PRXL2C: variants seen among roughly 807,000 people sequenced by gnomAD.
PRXL2C encodes the protein peroxiredoxin like 2C.
In PRXL2C, 38 loss-of-function variants were observed where a neutral mutation model predicts 24.9. The observed-to-expected ratio is 1.53, with a 90% CI of 1.18 to 2.00. PRXL2C has a LOEUF of 2.00. Ranked by LOEUF, PRXL2C falls within the 30% of genes most tolerant of loss-of-function variation. PRXL2C has a pLI of 0.00. For synonymous variants in PRXL2C, 98 were observed against 117.2 expected (o/e 0.84, Z 1.06); for missense variants, 294 against 290.9 (o/e 1.01, Z -0.08).
intron 2 of PRXL2C, among the ~76,000 whole-genome samples, chr9:96,652,586 C>T (rs1848283615): frequency 6.6e-6 from 1 of 150,676 alleles, no homozygotes; most frequent in Admixed American, 6.6e-5. Context: ...CACTACTCAT[C>T]AGTGAAATAC....
chr9:96,655,306 G>C lies in PRXL2C; in HGVS notation c.-25C>G, dbSNP rs988325377. On this transcript the variant is annotated 5_prime_UTR_variant, in exon 1 of 6. Coordinates refer to ENST00000375234, the MANE Select transcript of PRXL2C (RefSeq NM_153698.2). ...TGACGCGGGGCGGCCGAGGGCCTGGGTCCGCTCTGTCAGCGCGGACCGGGG... is the reference window on the plus strand; with the variant it reads ...TGACGCGGGGCGGCCGAGGGCCTGGCTCCGCTCTGTCAGCGCGGACCGGGG... 4.5e-5 allele frequency: 47 copies of C among 1,039,950 alleles called. No homozygotes were observed. The highest frequency in any genetic ancestry group is 4.8e-5 in the Non-Finnish European group (42 of 866,100). The allele number at this position is 1,039,950 out of a possible 1,614,324, so 64.4% of individuals were successfully genotyped here. A position where few individuals can be genotyped will look rare whatever the true frequency, so the allele number is the denominator to read the frequency against.
intron 2 of PRXL2C, among the ~76,000 whole-genome samples, chr9:96,651,971 A>G (rs919202209): frequency 6.6e-6 from 1 of 152,226 alleles, no homozygotes; most frequent in Non-Finnish European, 1.5e-5. Context: ...GAAAACTACA[A>G]AACTGCTACA....
At chr9:96,654,682 G>A (rs779277749) in intron 2 of PRXL2C, 23 bp downstream of exon 2, 9 of 1,552,810 alleles carry the variant, frequency 5.8e-6, no homozygotes, top group African/African-American at 2.7e-5. Context: ...CGGGCACTGG[G>A]CCGCCCACGC....
rs182505870 is a variant in PRXL2C at position 96,653,846 on chromosome 9, T to G, written c.261+859A>C. ...TTAAAAACTCTGTAGCACAGTTTTT[T>G]TTTTTTCTTTTTTAGACGGAGTCTT... On this transcript the variant is annotated intron_variant, in intron 2 of 5. Transcript: ENST00000375234. 5.3e-3 allele frequency among the ~76,000 whole-genome samples: 805 copies of G among 152,218 alleles called. 5 individuals carry two copies. The highest frequency in any genetic ancestry group is 0.01 in the Middle Eastern group (3 of 294).
intron 5 of PRXL2C, among the ~76,000 whole-genome samples, chr9:96,645,345 T>C (rs1848182762): frequency 6.6e-6 from 1 of 151,848 alleles, no homozygotes; most frequent in African/African-American, 2.4e-5. Flanking sequence ...CTGTGGGAAA[T>C]CATCTAGGCA....
chr9:96,651,816 G>T, intron 2 of PRXL2C, 104 bp from the exon 3 acceptor site: 1 of 913,116 alleles, frequency 1.1e-6, no homozygotes, highest in Non-Finnish European at 1.7e-6. Flanking sequence ...GCCACCTATA[G>T]GCTTCTAGAG....
chr9:96,641,134 ATAATGTT>A lies in PRXL2C; in HGVS notation c.*618_*624del, dbSNP rs1226989181. Reference sequence around the variant, plus strand: ...TTGTTATGTGGCATAAAATTGTCCTATAATGTTTAAAGACCTTTTCCTGGCCCTACAA... The same window carrying A: ...TTGTTATGTGGCATAAAATTGTCCTATAAAGACCTTTTCCTGGCCCTACAA... On this transcript the variant is annotated 3_prime_UTR_variant, in exon 6 of 6. Transcript: ENST00000375234. The A allele has an allele frequency of 6.6e-6, 1 of 152,202 alleles. No individual in the cohort carries two copies. The highest frequency in any genetic ancestry group is 1.9e-4 in the East Asian group (1 of 5,194). 9.4% of individuals were successfully genotyped at this position (152,202 alleles called of 1,614,324 possible).
At chr9:96,652,495 T>C (rs938925193) in intron 2 of PRXL2C, among the ~76,000 whole-genome samples, 2 of 134,562 alleles carry the variant, frequency 1.5e-5, no homozygotes, top group Non-Finnish European at 3.1e-5. Context: ...CTCTCCAGCC[T>C]GGGGGGCAGA....
chr9:96,651,590 T>C (rs1489523134), intron 3 of PRXL2C, 69 bp downstream of exon 3: 2 of 1,552,644 alleles, frequency 1.3e-6, no homozygotes, highest in African/African-American at 2.7e-5. Flanking sequence ...ATTTAGTGGT[T>C]TAAATAATGT....
intron 2 of PRXL2C, among the ~76,000 whole-genome samples, chr9:96,652,128 T>C (rs1391497299): frequency 6.6e-6 from 1 of 152,130 alleles, no homozygotes; most frequent in African/African-American, 2.4e-5. Flanking sequence ...ACTCACAGAT[T>C]GAGAGAAAAT....
In PRXL2C at chr9:96,654,351, A is replaced by G. The variant is rs1166887914; in HGVS notation, c.261+354T>C. On this transcript the variant is annotated intron_variant, in intron 2 of 5. Transcript: ENST00000375234. ...ACATAAACATTTGCACCTTTACGATATATTAGTATTTTCCCATAATGAGCA... is the reference window on the plus strand; with the variant it reads ...ACATAAACATTTGCACCTTTACGATGTATTAGTATTTTCCCATAATGAGCA... Among the ~76,000 whole-genome samples, 7 of 152,326 alleles carry G rather than the reference A, an allele frequency of 4.6e-5. No homozygotes were observed. The East Asian group carries it at 1.3e-3, about 29-fold the overall frequency.
At chr9:96,643,928 A>G (rs1367783453) in intron 5 of PRXL2C, among the ~76,000 whole-genome samples, 1 of 152,012 alleles carries the variant, frequency 6.6e-6, no homozygotes, top group Admixed American at 6.6e-5. Flanking sequence ...AAGTCAAGTA[A>G]TTGAGACCAT....
chr9:96,650,106 C>G (rs1017620745), intron 4 of PRXL2C, among the ~76,000 whole-genome samples: 1 of 152,146 alleles, frequency 6.6e-6, no homozygotes, highest in Non-Finnish European at 1.5e-5. Flanking sequence ...AGATCCTACC[C>G]CACTTAAATT....
At chr9:96,644,967 T>G (rs560293015) in intron 5 of PRXL2C, among the ~76,000 whole-genome samples, 1 of 125,908 alleles carries the variant, frequency 7.9e-6, no homozygotes. Context: ...AGTTCAGTGG[T>G]GCGATCTCGG....
At position 96,645,961 on chromosome 9, in the gene PRXL2C, A is replaced by ACT. The variant is rs1848196640; in HGVS notation, c.483_484dup (p.Val162GlufsTer2). ...TTGAAAATCAAAGAGAGGGCCAGTCACTGCCCGCCACAGGCTCTGAAGGCT... is the reference window on the plus strand; with the variant it reads ...TTGAAAATCAAAGAGAGGGCCAGTCACTCTGCCCGCCACAGGCTCTGAAGGCT... On this transcript the variant is annotated frameshift_variant, in exon 5 of 6. Coordinates refer to ENST00000375234, the MANE Select transcript of PRXL2C (RefSeq NM_153698.2). LOFTEE classifies it high-confidence loss of function. The ACT allele has an allele frequency of 1.9e-6, 3 of 1,613,748 alleles. No individual in the cohort carries two copies. The highest frequency in any genetic ancestry group is 1.7e-5 in the Admixed American group (1 of 59,964).
chr9:96,645,853 CACAAG>C (rs779003709), intron 5 of PRXL2C, 35 bp downstream of exon 5: 6 of 1,543,022 alleles, frequency 3.9e-6, no homozygotes, highest in Non-Finnish European at 5.2e-6. Flanking sequence ...TTGTAAAAAG[CACAAG>C]ACGTCTACTG....
Position 96,645,874 on chromosome 9 carries a change from C to A in PRXL2C, c.553+19G>T, listed in dbSNP as rs1233550791. On this transcript the variant is annotated intron_variant, in intron 5 of 5. Transcript: ENST00000375234. ...AAAGCACAAGACGTCTACTGCTGAA[C>A]CTGGGCTTTGATGCTTACCTGGACC... 1 of 1,587,692 alleles carries A rather than the reference C, an allele frequency of 6.3e-7. No homozygotes were observed. Among genetic ancestry groups the A allele is most frequent in the Non-Finnish European group, 8.5e-7 (1 of 1,170,822 alleles).
intron 2 of PRXL2C, among the ~76,000 whole-genome samples, chr9:96,652,399 T>C (rs1848279137): frequency 6.6e-6 from 1 of 151,804 alleles, no homozygotes; most frequent in South Asian, 2.1e-4. Flanking sequence ...CATGTGCCTG[T>C]AATCCCAGCT....
At position 96,642,631 on chromosome 9, in the gene PRXL2C, C is replaced by T. The variant is rs1288583563; in HGVS notation, c.554-745G>A. Among the ~76,000 whole-genome samples the T allele has an allele frequency of 4.0e-5, 6 of 151,644 alleles. No individual in the cohort carries two copies. In the East Asian group the frequency reaches 9.7e-4, roughly 24 times the overall value. ...CATGATCTCGGCTCACTGCAACCTC[C>T]GCCTTCTGGGTTCAAGCGATTCTCT... On this transcript the variant is annotated intron_variant, in intron 5 of 5. Transcript: ENST00000375234.
Sources: allele counts gnomAD v4.1 joint callset (sites outside exome capture counted in the v4.1 genomes callset), GRCh38; gene constraint gnomAD v4.1.1; transcripts MANE v1.5; gene names NCBI Gene and HGNC (gene_info 2026-07-23, HGNC 2026-07-21).